The following PLCZ1 variants were observed in gnomAD, a reference collection of about 807,000 sequenced individuals.
PLCZ1 encodes 1-phosphatidylinositol 4,5-bisphosphate phosphodiesterase zeta-1.
PLCZ1 carries 64 observed loss-of-function variants against 76.8 expected under a neutral mutation model. The ratio of observed to expected loss-of-function variants is 0.83; its 90% CI spans 0.68 to 1.03. The LOEUF (loss-of-function observed/expected upper bound fraction) is 1.03. PLCZ1 is among the 50% of genes least tolerant of loss of function. The pLI is 0.00. For synonymous variants in PLCZ1, 248 were observed against 230.8 expected, an observed-to-expected ratio of 1.07 and a Z score of -0.68; for missense variants, 751 against 713.7, an observed-to-expected ratio of 1.05 and a Z score of -0.60.
rs144249848 is a variant in PLCZ1, at chr12:18,693,603, A to T, written c.1461+1307T>A. 114 of 1,576,702 alleles carry T rather than the reference A, an allele frequency of 7.2e-5. No homozygotes were observed. In the African/African-American group the frequency reaches 1.5e-3, roughly 20 times the overall value. On this transcript the variant is annotated intron_variant, in intron 12 of 14. Transcript: ENST00000266505. ...CGGGAATTGTTTCGAGTTGCTGAAG[A>T]ACGTGCACCGTCCATTGTGTTTATT...
chr12:18,656,437 G>C, the PLCZ1 span, among the ~76,000 whole-genome samples: 1 of 152,012 alleles, frequency 6.6e-6, no homozygotes, highest in Admixed American at 6.6e-5. Context: ...ATGGTGGCGG[G>C]CGCCTGTAAT....
intron 4 of PLCZ1, among the ~76,000 whole-genome samples, chr12:18,722,841 A>G (rs934666272): frequency 6.6e-6 from 1 of 152,050 alleles, no homozygotes; most frequent in Non-Finnish European, 1.5e-5. Flanking sequence ...AAACAAAGTA[A>G]AATTCATCAG....
At chr12:18,717,187 T>G (rs911022008) in intron 5 of PLCZ1, among the ~76,000 whole-genome samples, 3 of 152,084 alleles carry the variant, frequency 2.0e-5, no homozygotes, top group Admixed American at 6.6e-5. Flanking sequence ...GTAAAAGTAA[T>G]TATATATATT....
At chr12:18,660,599 A>G in the PLCZ1 span, among the ~76,000 whole-genome samples, 1 of 152,340 alleles carries the variant, frequency 6.6e-6, no homozygotes, top group Non-Finnish European at 1.5e-5. Context: ...AGAAATGACC[A>G]GAAAAGACCT....
At chr12:18,650,738 A>C in the PLCZ1 span, among the ~76,000 whole-genome samples, 15 of 30,826 alleles carry the variant, frequency 4.9e-4, no homozygotes, top group Non-Finnish European at 6.9e-4. Context: ...ATATATATAT[A>C]TATATATATA....
the PLCZ1 span, among the ~76,000 whole-genome samples, chr12:18,663,198 CA>C: frequency 6.6e-6 from 1 of 151,908 alleles, no homozygotes; most frequent in Non-Finnish European, 1.5e-5. Flanking sequence ...CACTTTTATT[CA>C]ACATAGTACT....
the PLCZ1 span, among the ~76,000 whole-genome samples, chr12:18,646,688 G>A: frequency 6.6e-6 from 1 of 152,084 alleles, no homozygotes; most frequent in East Asian, 1.9e-4. Context: ...GTAAAAAGCA[G>A]GCAAGTTTGT....
chr12:18,736,742 C>T (rs1179609325), intron 2 of PLCZ1: 66 of 1,186,914 alleles, frequency 5.6e-5, no homozygotes, highest in Non-Finnish European at 7.0e-5. Context: ...GCAAATTAAC[C>T]CTGAATCTTA....
chr12:18,703,560 T>C (rs1217881959), intron 7 of PLCZ1, among the ~76,000 whole-genome samples: 6 of 152,178 alleles, frequency 3.9e-5, no homozygotes, highest in Non-Finnish European at 8.8e-5. Flanking sequence ...CTAAATGACC[T>C]TAGAGATAGA....
intron 6 of PLCZ1, 151 bp downstream of exon 6, chr12:18,712,691 T>C: frequency 1.1e-6 from 1 of 950,004 alleles, no homozygotes; most frequent in Non-Finnish European, 1.6e-6. Context: ...TTTAACTATA[T>C]ACAACATGGA....
At chr12:18,695,456 T>G (rs1954828202) in intron 11 of PLCZ1, among the ~76,000 whole-genome samples, 1 of 152,114 alleles carries the variant, frequency 6.6e-6, no homozygotes, top group Admixed American at 6.5e-5. Flanking sequence ...AATTTTCAAG[T>G]CCATGAGATG....
chr12:18,707,100 T>A (rs1049160162), intron 6 of PLCZ1, among the ~76,000 whole-genome samples: 7 of 152,224 alleles, frequency 4.6e-5, no homozygotes, highest in Non-Finnish European at 1.0e-4. Context: ...AAAGTCCTTA[T>A]GATGGTGTTC....
chr12:18,669,965 G>A, the PLCZ1 span, among the ~76,000 whole-genome samples: 1 of 152,028 alleles, frequency 6.6e-6, no homozygotes, highest in African/African-American at 2.4e-5. Flanking sequence ...ACCGCGCCCG[G>A]CCCTCTTCCT....
intron 4 of PLCZ1, among the ~76,000 whole-genome samples, chr12:18,722,322 T>C (rs903436971): frequency 6.6e-6 from 1 of 152,126 alleles, no homozygotes; most frequent in Non-Finnish European, 1.5e-5. Flanking sequence ...ATTCAAGACC[T>C]AATTGCCTTA....
At chr12:18,650,347 A>ATGTGTG in the PLCZ1 span, among the ~76,000 whole-genome samples, 1,296 of 114,334 alleles carry the variant, frequency 0.011, 35 homozygotes, top group African/African-American at 0.041. Flanking sequence ...ATATATATAT[A>ATGTGTG]TGTGTGTGTG....
At position 18,716,308 on chromosome 12, in the gene PLCZ1, C is replaced by T. The variant is rs139049441; in HGVS notation, c.569+3123G>A. Among the ~76,000 whole-genome samples the T allele has an allele frequency of 3.0e-3, 455 of 152,044 alleles. 1 individual carries two copies. Among genetic ancestry groups the T allele is most frequent in the Non-Finnish European group, 4.9e-3 (335 of 67,960 alleles). On this transcript the variant is annotated intron_variant, in intron 5 of 14. Coordinates refer to ENST00000266505, the MANE Select transcript of PLCZ1 (RefSeq NM_033123.4). ...GAAAACTTTTCATAAATAATATTGG[C>T]TCTTGCTACTTCTCTAGATAGTTTT...
At chr12:18,726,582 T>C (rs768483282) in intron 3 of PLCZ1, among the ~76,000 whole-genome samples, 1 of 152,164 alleles carries the variant, frequency 6.6e-6, no homozygotes, top group East Asian at 1.9e-4. Context: ...AATAATTCTA[T>C]TGATTGTCAT....
chr12:18,683,673 C>G, intron 14 of PLCZ1: 1 of 1,270,922 alleles, frequency 7.9e-7, no homozygotes, highest in South Asian at 1.2e-5. Context: ...TAATTGGGAG[C>G]ACAGTGTAAA....
At chr12:18,655,750 GA>G in the PLCZ1 span, among the ~76,000 whole-genome samples, 12,741 of 144,984 alleles carry the variant, frequency 0.088, 595 homozygotes, top group East Asian at 0.18. Flanking sequence ...ACCTTATCAT[GA>G]AAAAAAAAAA....
Sources: allele counts gnomAD v4.1 joint callset (sites outside exome capture counted in the v4.1 genomes callset), GRCh38; gene constraint gnomAD v4.1.1; transcripts MANE v1.5; gene names NCBI Gene and HGNC (gene_info 2026-07-23, HGNC 2026-07-21).